TRIP12: variants seen among roughly 807,000 people sequenced by gnomAD.
The protein encoded by TRIP12 is E3 ubiquitin-protein ligase TRIP12.
In TRIP12, 25 loss-of-function variants were observed where a neutral mutation model predicts 244.2. The observed-to-expected ratio is 0.10, with a 90% CI of 0.07 to 0.14. The LOEUF (loss-of-function observed/expected upper bound fraction) is 0.14. Among genes scored for constraint, TRIP12 ranks in the 10% least tolerant of loss-of-function variants. The pLI, the probability that TRIP12 is intolerant of heterozygous loss-of-function variation, is 1.00. For synonymous variants in TRIP12, 905 were observed against 873.1 expected (o/e 1.04, Z -0.64); for missense variants, 1,677 against 2,486.4 (o/e 0.67, Z 6.92).
At chr2:229,916,503 C>T (rs548804133) in intron 1 of TRIP12, among the ~76,000 whole-genome samples, 10 of 150,630 alleles carry the variant, frequency 6.6e-5, no homozygotes, top group African/African-American at 2.2e-4. Flanking sequence ...TGCAGTGAGC[C>T]GAGATCGCGC....
chr2:229,887,755 C>T (rs2154359474), intron 1 of TRIP12, among the ~76,000 whole-genome samples: 1 of 152,280 alleles, frequency 6.6e-6, no homozygotes, highest in South Asian at 2.1e-4. Flanking sequence ...CTTTCAATGT[C>T]CTAGGAAATG....
chr2:229,811,960 T>C (rs1219892310), intron 13 of TRIP12, among the ~76,000 whole-genome samples: 1 of 152,226 alleles, frequency 6.6e-6, no homozygotes, highest in African/African-American at 2.4e-5. Context: ...GTGCTACAAA[T>C]TGTGACTATT....
chr2:229,897,578 C>T (rs1261639135), intron 1 of TRIP12, among the ~76,000 whole-genome samples: 2 of 152,280 alleles, frequency 1.3e-5, no homozygotes, highest in Non-Finnish European at 2.9e-5. Context: ...AACCAGGAGG[C>T]GGAGGTTGCA....
chr2:229,803,801 A>G, intron 19 of TRIP12, 112 bp from the exon 20 acceptor site: 1 of 902,810 alleles, frequency 1.1e-6, no homozygotes, highest in South Asian at 1.7e-5. Context: ...CCATTCTATT[A>G]ACATAAACAT....
At chr2:229,863,166 T>TTGCA (rs1559946732) in intron 2 of TRIP12, among the ~76,000 whole-genome samples, 3 of 150,654 alleles carry the variant, frequency 2.0e-5, no homozygotes, top group African/African-American at 7.3e-5. Context: ...GAGGCGGAGG[T>TTGCA]TGCAGTGAGC....
Position 229,818,029 on chromosome 2 carries a change from T to C in TRIP12, c.1599+335A>G, listed in dbSNP as rs182210044. 8.5e-5 allele frequency among the ~76,000 whole-genome samples: 13 copies of C among 152,252 alleles called. No homozygotes were observed. In the East Asian group the frequency reaches 2.1e-3, roughly 25 times the overall value. On this transcript the variant is annotated intron_variant, in intron 9 of 41. Transcript: ENST00000675903. ...ACCCAGAGTGAGCTTCCCTGGCCTA[T>C]TGCTCCGTGGATCACCAGGCTAAAA...
chr2:229,923,037 T>C (rs2076816781), upstream of TRIP12: 1 of 165,296 alleles, frequency 6.0e-6, no homozygotes, highest in Non-Finnish European at 1.3e-5. Flanking sequence ...TTTTCCAGGA[T>C]AGGAATTAAT....
intron 30 of TRIP12, among the ~76,000 whole-genome samples, chr2:229,790,302 T>C (rs1451595600): frequency 1.3e-5 from 2 of 152,136 alleles, no homozygotes; most frequent in Non-Finnish European, 2.9e-5. Flanking sequence ...ATCTGAGGGA[T>C]TGAAACAGTT....
chr2:229,876,513 CTGG>C (rs1395063397), intron 2 of TRIP12, among the ~76,000 whole-genome samples: 1 of 152,218 alleles, frequency 6.6e-6, no homozygotes, highest in Non-Finnish European at 1.5e-5. Flanking sequence ...ATATTATTGA[CTGG>C]CTTAAACTAC....
At chr2:229,861,910 T>C (rs2060539557) in intron 2 of TRIP12, among the ~76,000 whole-genome samples, 1 of 152,176 alleles carries the variant, frequency 6.6e-6, no homozygotes. Context: ...AACAAAACTC[T>C]AGGTGAGCCT....
intron 19 of TRIP12, 33 bp downstream of exon 19, chr2:229,803,966 T>A: frequency 6.5e-7 from 1 of 1,545,028 alleles, no homozygotes; most frequent in South Asian, 1.2e-5. Flanking sequence ...GATTTGTATT[T>A]GTAAAATGTT....
intron 5 of TRIP12, among the ~76,000 whole-genome samples, chr2:229,840,405 T>A (rs928235725): frequency 6.6e-6 from 1 of 152,122 alleles, no homozygotes; most frequent in African/African-American, 2.4e-5. Flanking sequence ...AAAATTTAAA[T>A]AATTTTTTAA....
chr2:229,776,326 AT>A (rs1276691488), intron 37 of TRIP12, among the ~76,000 whole-genome samples: 2 of 152,144 alleles, frequency 1.3e-5, no homozygotes, highest in Admixed American at 6.5e-5. Context: ...CAACACTGTA[AT>A]AGTTTAAAAC....
intron 6 of TRIP12, among the ~76,000 whole-genome samples, chr2:229,835,601 C>T (rs1190339407): frequency 2.0e-5 from 3 of 152,182 alleles, no homozygotes; most frequent in Non-Finnish European, 4.4e-5. Flanking sequence ...ACTCATACCT[C>T]AGCAGGTTGT....
Position 229,788,915 on chromosome 2 carries a change from G to A in TRIP12, c.4721C>T (p.Pro1574Leu). 1 of 1,611,902 alleles carries A rather than the reference G, an allele frequency of 6.2e-7. No homozygotes were observed. The highest frequency in any genetic ancestry group is 8.5e-7 in the Non-Finnish European group (1 of 1,179,196). Residue 1574 changes from proline (P) to leucine (L), a missense_variant, in exon 32 of 42, where the codon CCA (proline) becomes CTA (leucine). This residue lies in a region of TRIP12 where 265 missense variants were observed against 370.8 expected (regional missense o/e 0.71). Coordinates refer to ENST00000675903, the MANE Select transcript of TRIP12 (RefSeq NM_001348323.3). ...CTTACTGTTAATAAATTCACTAGTT[G>A]GAATAATTTCCTTGCACATTGCATT... ...YDNAMCKEII[P>L]TSEFINSKLT...
At chr2:229,777,263 C>A (rs1054047390) in intron 37 of TRIP12, 52 bp downstream of exon 37, 1 of 1,561,772 alleles carries the variant, frequency 6.4e-7, no homozygotes, top group Non-Finnish European at 8.7e-7. Context: ...ACAAAAGCCT[C>A]ATTTTTCTAA....
At chr2:229,903,732 T>C (rs2071764974) in intron 1 of TRIP12, among the ~76,000 whole-genome samples, 1 of 151,984 alleles carries the variant, frequency 6.6e-6, no homozygotes, top group Non-Finnish European at 1.5e-5. Flanking sequence ...AACATGGTTT[T>C]GGCCAGGCGC....
intron 25 of TRIP12, among the ~76,000 whole-genome samples, chr2:229,796,375 T>C (rs1417576610): frequency 6.6e-5 from 10 of 152,230 alleles, no homozygotes; most frequent in Admixed American, 5.2e-4. Flanking sequence ...ACTTCAATCA[T>C]AGAAATAGTG....
intron 4 of TRIP12, among the ~76,000 whole-genome samples, chr2:229,851,641 C>A (rs554259397): frequency 6.6e-6 from 1 of 152,278 alleles, no homozygotes; most frequent in East Asian, 1.9e-4. Context: ...CTTTTATGAG[C>A]TATAACACTC....
Sources: gnomAD v4.1 joint callset for allele counts (sites outside exome capture counted in the v4.1 genomes callset) on GRCh38, gnomAD v4.1.1 for gene constraint, gnomAD v4.1.1 regional missense constraint, MANE v1.5 for transcripts, NCBI Gene and HGNC (gene_info 2026-07-23, HGNC 2026-07-21) for gene names.